EZH2: variants seen among roughly 807,000 people sequenced by gnomAD.
EZH2 encodes histone-lysine N-methyltransferase EZH2.
Under a neutral mutation model 98.4 loss-of-function variants are expected in EZH2, and 18 were observed. The ratio of observed to expected loss-of-function variants is 0.18; its 90% confidence interval spans 0.13 to 0.27. The LOEUF (loss-of-function observed/expected upper bound fraction) is 0.27. EZH2 is among the 10% of genes least tolerant of loss of function. The probability of loss-of-function intolerance (pLI) is 1.00; values close to 1 mark genes in which losing one functional copy is unlikely to be tolerated. For missense variants in EZH2, 470 were observed against 935.1 expected, an observed-to-expected ratio of 0.50 and a Z score of 6.49; for synonymous variants, 338 against 312.3, an observed-to-expected ratio of 1.08 and a Z score of -0.87.
intron 1 of EZH2, among the ~76,000 whole-genome samples, chr7:148,874,538 C>T (rs1419940168): frequency 2.0e-5 from 3 of 152,172 alleles, no homozygotes; most frequent in East Asian, 1.9e-4. Context: ...GACAATGCCA[C>T]GATCACCTAC....
intron 1 of EZH2, among the ~76,000 whole-genome samples, chr7:148,847,885 TTTA>T (rs1244656320): frequency 1.3e-5 from 2 of 152,222 alleles, no homozygotes; most frequent in South Asian, 4.1e-4. Context: ...TTGTGCCACC[TTTA>T]TTAACATGAG....
At chr7:148,875,899 C>T (rs1415132612) in intron 1 of EZH2, 1 of 152,210 alleles carries the variant, frequency 6.6e-6, no homozygotes, top group Non-Finnish European at 1.5e-5. Context: ...CGGCTCATGC[C>T]TGTAATCCCA....
chr7:148,873,491 CAAAAAAAAAAA>C (rs1162280467), intron 1 of EZH2, among the ~76,000 whole-genome samples: 10 of 58,538 alleles, frequency 1.7e-4, no homozygotes, highest in Non-Finnish European at 9.9e-5. Context: ...GACTCTGTCT[CAAAAAAAAAAA>C]AAAAAAAAGA....
chr7:148,858,454 G>A (rs1817180197), intron 1 of EZH2, among the ~76,000 whole-genome samples: 1 of 152,058 alleles, frequency 6.6e-6, no homozygotes, highest in African/African-American at 2.4e-5. Context: ...TCCCAGCTTG[G>A]CCTCCCATAC....
intron 1 of EZH2, among the ~76,000 whole-genome samples, chr7:148,859,038 T>G (rs1228487853): frequency 6.6e-6 from 1 of 152,216 alleles, no homozygotes; most frequent in African/African-American, 2.4e-5. Context: ...AAAAGAGTAT[T>G]TGAGTTTGCA....
chr7:148,869,969 C>T (rs1193916487), intron 1 of EZH2, among the ~76,000 whole-genome samples: 1 of 152,160 alleles, frequency 6.6e-6, no homozygotes, highest in African/African-American at 2.4e-5. Flanking sequence ...GCCTGTAATC[C>T]CTGCACTCTG....
intron 6 of EZH2, 152 bp from the exon 7 acceptor site, chr7:148,827,418 A>G (rs1013754478): frequency 4.1e-5 from 24 of 589,176 alleles, no homozygotes; most frequent in African/African-American, 3.4e-4. Flanking sequence ...CATACTTTAC[A>G]TGTCTGTGGA....
At chr7:148,822,235 T>G (rs986483133) in intron 8 of EZH2, among the ~76,000 whole-genome samples, 1 of 152,144 alleles carries the variant, frequency 6.6e-6, no homozygotes, top group African/African-American at 2.4e-5. Context: ...ACTGACCAGG[T>G]GCAGTGGCTC....
chr7:148,826,642 AC>A lies in EZH2; in HGVS notation c.729-11del, dbSNP rs1314520028. On this transcript the variant is annotated splice_polypyrimidine_tract_variant and intron_variant, in intron 7 of 19. Transcript: ENST00000320356. ...GGTGAGTTCTTTATATCTGACATTA[AC>A]CAAGAAAAATTTAAGTAAACATGAA... 6.9e-7 allele frequency: 1 copy of A among 1,447,322 alleles called. No homozygotes were observed. Among genetic ancestry groups the A allele is most frequent in the East Asian group, 2.4e-5 (1 of 41,304 alleles). The allele number at this position is 1,447,322 out of a possible 1,614,324, so 89.7% of individuals were successfully genotyped here.
intron 1 of EZH2, among the ~76,000 whole-genome samples, chr7:148,854,256 G>A (rs1055731996): frequency 6.6e-6 from 1 of 152,088 alleles, no homozygotes; most frequent in African/African-American, 2.4e-5. Flanking sequence ...CTAACACAGT[G>A]AAACCCCGTC....
intron 9 of EZH2, 124 bp from the exon 10 acceptor site, chr7:148,818,241 A>C: frequency 9.7e-7 from 1 of 1,029,530 alleles, no homozygotes; most frequent in Non-Finnish European, 1.4e-6. Context: ...TTTATCACAA[A>C]TAATCATTTG....
chr7:148,876,113 G>A, intron 1 of EZH2: 1 of 152,288 alleles, frequency 6.6e-6, no homozygotes, highest in Non-Finnish European at 1.5e-5. Context: ...GCAGTGAGCT[G>A]AGATCTCGCC....
At chr7:148,830,927 G>C (rs947437903) in intron 4 of EZH2, among the ~76,000 whole-genome samples, 2 of 152,086 alleles carry the variant, frequency 1.3e-5, no homozygotes, top group African/African-American at 2.4e-5. Context: ...TAAGTCTTAA[G>C]AGGCCTTTGA....
At chr7:148,853,549 G>C (rs538506144) in intron 1 of EZH2, among the ~76,000 whole-genome samples, 1 of 152,206 alleles carries the variant, frequency 6.6e-6, no homozygotes, top group Non-Finnish European at 1.5e-5. Flanking sequence ...ACCTCCTGCT[G>C]TACAGCCCAG....
intron 1 of EZH2, among the ~76,000 whole-genome samples, chr7:148,855,124 G>A (rs1395428767): frequency 2.0e-5 from 3 of 152,214 alleles, no homozygotes; most frequent in African/African-American, 4.8e-5. Flanking sequence ...GATCAGAGAT[G>A]GCAAGGAGAG....
chr7:148,883,544 C>G (rs1384032657), intron 1 of EZH2: 1 of 150,334 alleles, frequency 6.7e-6, no homozygotes, highest in East Asian at 2.0e-4. Context: ...GGGGTCGGCG[C>G]GCCCGGGACC....
At chr7:148,869,869 G>A (rs1332612041) in intron 1 of EZH2, among the ~76,000 whole-genome samples, 1 of 152,110 alleles carries the variant, frequency 6.6e-6, no homozygotes, top group African/African-American at 2.4e-5. Flanking sequence ...GCAGAGCCTC[G>A]CCCAGAGCCT....
In EZH2 at chr7:148,867,344, A is replaced by T. The variant is rs1403988948; in HGVS notation, c.-8+16820T>A. ...TCCCATCTCAAAAATAAATAAATAA[A>T]TAATTTTAAAAATTACCCAGTCTCA... On this transcript the variant is annotated intron_variant, in intron 1 of 19. Transcript: ENST00000320356. 2.0e-5 allele frequency among the ~76,000 whole-genome samples: 3 copies of T among 152,202 alleles called. No homozygotes were observed. In the East Asian group the frequency reaches 5.8e-4, roughly 30 times the overall value.
chr7:148,812,263 G>C (rs1333364837), intron 15 of EZH2, among the ~76,000 whole-genome samples: 2 of 152,108 alleles, frequency 1.3e-5, no homozygotes, highest in East Asian at 3.8e-4. Flanking sequence ...ACCTCCTCAG[G>C]ATAACACAAG....
Sources: gnomAD v4.1 joint callset for allele counts (sites outside exome capture counted in the v4.1 genomes callset) on GRCh38, gnomAD v4.1.1 for gene constraint, MANE v1.5 for transcripts, NCBI Gene and HGNC (gene_info 2026-07-23, HGNC 2026-07-21) for gene names.